The following SLC8A1 variants were observed in gnomAD, a reference collection of about 807,000 sequenced individuals.
SLC8A1 encodes the protein sodium/calcium exchanger 1.
In SLC8A1, 18 loss-of-function variants were observed where a neutral mutation model predicts 68.3. The ratio of observed to expected loss-of-function variants is 0.26; its 90% CI spans 0.18 to 0.39. The LOEUF is 0.39. Ranked by LOEUF, SLC8A1 falls within the 10% of genes least tolerant of loss-of-function variation. The pLI is 1.00. For missense variants in SLC8A1, 985 were observed against 1,156.7 expected (o/e 0.85, Z 2.15); for synonymous variants, 475 against 415.5 (o/e 1.14, Z -1.74).
intron 1 of SLC8A1, among the ~76,000 whole-genome samples, chr2:40,509,428 G>C (rs1444036659): frequency 1.4e-5 from 2 of 147,248 alleles, no homozygotes; most frequent in Non-Finnish European, 3.0e-5. Context: ...CTGATCAAGG[G>C]GATTTGGAAT....
At chr2:40,112,897 T>C (rs2034736592) in exon 8 of SLC8A1, 1 of 152,346 alleles carries the variant, frequency 6.6e-6, no homozygotes, top group Non-Finnish European at 1.5e-5. Context: ...TATGCTCTCT[T>C]AGTTAAAGAA....
chr2:40,200,197 T>G (rs1473212835), intron 2 of SLC8A1, among the ~76,000 whole-genome samples: 3 of 24,466 alleles, frequency 1.2e-4, no homozygotes, highest in Non-Finnish European at 2.1e-4. Context: ...TATATTTATA[T>G]ATATATATAA....
chr2:40,101,381 C>G (rs533957904), exon 8 of SLC8A1: 1 of 152,096 alleles, frequency 6.6e-6, no homozygotes, highest in Non-Finnish European at 1.5e-5. Context: ...TAATTTAGTA[C>G]TGTTACACAG....
At chr2:40,215,766 C>G (rs1259441592) in intron 2 of SLC8A1, among the ~76,000 whole-genome samples, 2 of 151,366 alleles carry the variant, frequency 1.3e-5, no homozygotes, top group African/African-American at 4.9e-5. Context: ...GTTGGCATTA[C>G]AGGTCTGAGC....
intron 2 of SLC8A1, among the ~76,000 whole-genome samples, chr2:40,342,258 C>A (rs1037504342): frequency 1.3e-5 from 2 of 152,036 alleles, no homozygotes; most frequent in Admixed American, 6.6e-5. Context: ...TATTAAATGG[C>A]CTATATATAC....
chr2:40,434,297 G>C (rs1203632807), intron 1 of SLC8A1, among the ~76,000 whole-genome samples: 1 of 152,170 alleles, frequency 6.6e-6, no homozygotes, highest in Non-Finnish European at 1.5e-5. Flanking sequence ...CACTGATGTA[G>C]CTTATTGGCA....
intron 1 of SLC8A1, among the ~76,000 whole-genome samples, chr2:40,490,755 A>G (rs1405851620): frequency 1.3e-5 from 2 of 152,138 alleles, no homozygotes; most frequent in Non-Finnish European, 2.9e-5. Flanking sequence ...AACACAAGGT[A>G]TTAATAACAC....
intron 1 of SLC8A1, among the ~76,000 whole-genome samples, chr2:40,449,383 TAA>T (rs1702031962): frequency 6.6e-6 from 1 of 152,172 alleles, no homozygotes; most frequent in African/African-American, 2.4e-5. Flanking sequence ...TGCAAGTAAA[TAA>T]AAGTCTATAT....
intron 2 of SLC8A1, among the ~76,000 whole-genome samples, chr2:40,285,845 T>C (rs1043363096): frequency 4.6e-5 from 7 of 152,172 alleles, no homozygotes; most frequent in Non-Finnish European, 7.3e-5. Context: ...ATATTATAGA[T>C]AGAACTTTGT....
intron 1 of SLC8A1, among the ~76,000 whole-genome samples, chr2:40,461,415 C>T (rs984590162): frequency 2.0e-5 from 3 of 152,160 alleles, no homozygotes; most frequent in African/African-American, 7.2e-5. Context: ...GCCTGTCCCC[C>T]TTGGTGTGCT....
At chr2:40,193,457 G>A (rs1447460350) in intron 2 of SLC8A1, among the ~76,000 whole-genome samples, 2 of 152,034 alleles carry the variant, frequency 1.3e-5, no homozygotes, top group African/African-American at 4.8e-5. Flanking sequence ...GTAAATATGG[G>A]CTCTGTGCTG....
At chr2:40,325,777 CAAAAAAAAAAAAAAAAAA>C (rs3059526) in intron 2 of SLC8A1, among the ~76,000 whole-genome samples, 1 of 45,006 alleles carries the variant, frequency 2.2e-5, no homozygotes, top group African/African-American at 8.0e-5. Context: ...ACTAAAAATA[CAAAAAAAAAAAAAAAAAA>C]AAAAAAAAAG....
chr2:40,492,136 CA>C (rs1373804049), intron 1 of SLC8A1, among the ~76,000 whole-genome samples: 1 of 151,894 alleles, frequency 6.6e-6, no homozygotes, highest in Non-Finnish European at 1.5e-5. Flanking sequence ...GTACTGGTAC[CA>C]AAACAGAGAT....
At chr2:40,177,080 T>C (rs1478876297) in intron 3 of SLC8A1, among the ~76,000 whole-genome samples, 1 of 152,214 alleles carries the variant, frequency 6.6e-6, no homozygotes, top group Admixed American at 6.5e-5. Context: ...AATTTACTAA[T>C]TCTGTAATTA....
intron 2 of SLC8A1, among the ~76,000 whole-genome samples, chr2:40,234,546 A>C (rs1002732864): frequency 2.0e-5 from 3 of 152,242 alleles, no homozygotes; most frequent in African/African-American, 2.4e-5. Flanking sequence ...CTTCTGCAAA[A>C]AGGGACAATT....
chr2:40,114,104 G>C (rs1420817684), exon 8 of SLC8A1: 1 of 152,740 alleles, frequency 6.5e-6, no homozygotes, highest in Non-Finnish European at 1.5e-5. Context: ...TGGGAGAACA[G>C]TATGTACTAT....
chr2:40,481,262 G>T (rs533451927), intron 1 of SLC8A1, among the ~76,000 whole-genome samples: 2 of 152,270 alleles, frequency 1.3e-5, no homozygotes, highest in African/African-American at 4.8e-5. Flanking sequence ...TCTTACTATA[G>T]CTTTCTAAGG....
chr2:40,503,021 A>G (rs1042287510), intron 1 of SLC8A1, among the ~76,000 whole-genome samples: 3 of 146,678 alleles, frequency 2.0e-5, no homozygotes. Flanking sequence ...GGGCCTTCTG[A>G]AGTACTGAGA....
At chr2:40,108,122 T>C (rs2034326489) in exon 8 of SLC8A1, 1 of 152,152 alleles carries the variant, frequency 6.6e-6, no homozygotes, top group South Asian at 2.1e-4. Context: ...CAAAATGGAA[T>C]CAGCCTTTCA....
Sources: gnomAD v4.1 joint callset for allele counts (sites outside exome capture counted in the v4.1 genomes callset) on GRCh38, gnomAD v4.1.1 for gene constraint, MANE v1.5 for transcripts, NCBI Gene and HGNC (gene_info 2026-07-23, HGNC 2026-07-21) for gene names.